Variants in NCAPG2 observed in about 807,000 individuals in gnomAD.
The protein encoded by NCAPG2 is condensin-2 complex subunit G2.
Under a neutral mutation model 141.1 loss-of-function variants are expected in NCAPG2, and 53 were observed. The ratio of observed to expected loss-of-function variants is 0.38; its 90% confidence interval spans 0.30 to 0.47. The LOEUF (loss-of-function observed/expected upper bound fraction) is 0.47, where lower values mean the gene tolerates loss of function less well. Among genes scored for constraint, NCAPG2 ranks in the 20% least tolerant of loss-of-function variants. NCAPG2 has a pLI of 0.99. For synonymous variants in NCAPG2, 499 were observed against 490.7 expected, an observed-to-expected ratio of 1.02 and a Z score of -0.22; for missense variants, 1,087 against 1,389.0, an observed-to-expected ratio of 0.78 and a Z score of 3.46.
At chr7:158,674,139 A>G (rs1833912140) in intron 12 of NCAPG2, among the ~76,000 whole-genome samples, 1 of 152,228 alleles carries the variant, frequency 6.6e-6, no homozygotes, top group South Asian at 2.1e-4. Context: ...ATCACTCAAC[A>G]AACACAGACA....
At chr7:158,703,691 G>A (rs950627317) in intron 1 of NCAPG2, 1 of 152,192 alleles carries the variant, frequency 6.6e-6, no homozygotes, top group Non-Finnish European at 1.5e-5. Flanking sequence ...TCTTCGCACA[G>A]GAGGTCTGGT....
rs141311246 is a variant in NCAPG2, at chr7:158,631,245, C to G, written c.*421G>C. On this transcript the variant is annotated 3_prime_UTR_variant, in exon 28 of 28. Transcript: ENST00000356309. The stretch of plus-strand genomic sequence containing the variant: ...GATCTATCTGCCTGCCTCAGCCTCC[C>G]AAAGTGCTGGGATTACAGGCGTGTG... The G allele has an allele frequency of 2.4e-3, 425 of 180,424 alleles. 12 individuals are homozygous for G. Among genetic ancestry groups the G allele is most frequent in the East Asian group, 0.012 (66 of 5,656 alleles). The allele number at this position is 180,424 out of a possible 1,614,324, so 11.2% of individuals were successfully genotyped here. A position where few individuals can be genotyped will look rare whatever the true frequency, so the allele number is the denominator to read the frequency against.
intron 17 of NCAPG2, among the ~76,000 whole-genome samples, chr7:158,657,007 T>G (rs1029042649): frequency 6.6e-6 from 1 of 152,234 alleles, no homozygotes; most frequent in African/African-American, 2.4e-5. Flanking sequence ...CAAGAGTTTC[T>G]ACTTTTGAAG....
At chr7:158,666,479 G>A (rs1319298122) in intron 13 of NCAPG2, among the ~76,000 whole-genome samples, 2 of 151,904 alleles carry the variant, frequency 1.3e-5, no homozygotes, top group Non-Finnish European at 2.9e-5. Flanking sequence ...CCCCAGCATA[G>A]ATATTAGTAT....
rs772649511 is a variant in NCAPG2 at position 158,644,368 on chromosome 7, CT to C, written c.3300del (p.Val1101Ter). On this transcript the variant is annotated frameshift_variant, in exon 27 of 28. Transcript: ENST00000356309. LOFTEE classifies it high-confidence loss of function. ...VINAGKHKSS[K>X]VREVAATVHR... ...TGAACAGTGGCTGCAACCTCCCTCA[CT>C]TTTGAGCTTTTATGTTTACCTGGGA... 75 of 1,613,694 alleles carry C rather than the reference CT, an allele frequency of 4.6e-5. No individual in the cohort carries two copies. Among genetic ancestry groups the C allele is most frequent in the Non-Finnish European group, 6.4e-5 (75 of 1,179,732 alleles).
chr7:158,694,594 A>G (rs1441375933), intron 2 of NCAPG2, among the ~76,000 whole-genome samples: 1 of 152,190 alleles, frequency 6.6e-6, no homozygotes, highest in Non-Finnish European at 1.5e-5. Flanking sequence ...AAATTTAATC[A>G]GATCCTCAAC....
Position 158,664,449 on chromosome 7 carries a change from C to A in NCAPG2, c.1702+79G>T, listed in dbSNP as rs1437718875. On this transcript the variant is annotated intron_variant, in intron 14 of 27. Transcript: ENST00000356309. Reference sequence around the variant, plus strand: ...TAAAGTATGAAGCTTATTAAATTGACAAATACTGAACTCTGTAATTTGTAT... The same window carrying A: ...TAAAGTATGAAGCTTATTAAATTGAAAAATACTGAACTCTGTAATTTGTAT... 6.5e-6 allele frequency: 10 copies of A among 1,540,560 alleles called. No homozygotes were observed. In the South Asian group the frequency reaches 1.2e-4, roughly 18 times the overall value.
chr7:158,664,705 T>C lies in NCAPG2; in HGVS notation c.1525A>G (p.Thr509Ala). 6.2e-7 allele frequency: 1 copy of C among 1,613,972 alleles called. No individual in the cohort carries two copies. The highest frequency in any genetic ancestry group is 8.5e-7 in the Non-Finnish European group (1 of 1,179,994). ...PMEHILVRLE[T>A]DSRPVSRRLV... ...CGCCGAGACACAGGTCGAGAATCAG[T>C]TTCCAGACGAACCAGAATGTGCTCC... The change falls in exon 14 of 28, where the codon ACT (threonine) becomes GCT (alanine). Residue 509 changes from threonine to alanine, a missense_variant. Transcript: ENST00000356309.
chr7:158,661,019 G>T (rs947911895), intron 16 of NCAPG2, among the ~76,000 whole-genome samples: 1 of 152,186 alleles, frequency 6.6e-6, no homozygotes, highest in Admixed American at 6.5e-5. Flanking sequence ...GGAACTGTGA[G>T]TCCATTAAAC....
intron 24 of NCAPG2, among the ~76,000 whole-genome samples, chr7:158,649,530 T>C (rs1831320967): frequency 1.3e-5 from 2 of 152,204 alleles, no homozygotes; most frequent in South Asian, 4.1e-4. Flanking sequence ...ACATTTTTTT[T>C]ATCATTTTTA....
intron 24 of NCAPG2, among the ~76,000 whole-genome samples, chr7:158,648,877 T>TACAACC (rs1563505075): frequency 2.7e-5 from 4 of 150,640 alleles, no homozygotes; most frequent in Middle Eastern, 3.6e-3. Context: ...GCAAATGGAC[T>TACAACC]ATAACCACGG....
intron 24 of NCAPG2, among the ~76,000 whole-genome samples, chr7:158,648,827 C>G (rs201346591): frequency 0.044 from 4,893 of 112,322 alleles, 510 homozygotes; most frequent in Middle Eastern, 0.073. Flanking sequence ...CACAACCACG[C>G]CAAATGGACT....
At position 158,696,877 on chromosome 7, in the gene NCAPG2, T is replaced by C. The variant is rs114321329; in HGVS notation, c.79-3380A>G. 4.6e-3 allele frequency among the ~76,000 whole-genome samples: 700 copies of C among 152,304 alleles called. 1 individual carries two copies. Among genetic ancestry groups the C allele is most frequent in the African/African-American group, 0.016 (667 of 41,568 alleles). ...TGATCAAATATAGTCAGGCAATGCATAGTGATATTTCAGTCAATGACAAAC... is the reference window on the plus strand; with the variant it reads ...TGATCAAATATAGTCAGGCAATGCACAGTGATATTTCAGTCAATGACAAAC... On this transcript the variant is annotated intron_variant, in intron 2 of 27. Transcript: ENST00000356309.
At chr7:158,695,131 G>A (rs572247436) in intron 2 of NCAPG2, among the ~76,000 whole-genome samples, 61 of 152,284 alleles carry the variant, frequency 4.0e-4, no homozygotes, top group Non-Finnish European at 5.3e-4. Flanking sequence ...TCATTCATCT[G>A]GGTGATGGAC....
intron 22 of NCAPG2, among the ~76,000 whole-genome samples, 178 bp downstream of exon 22, chr7:158,654,417 A>G (rs1213934052): frequency 1.3e-5 from 2 of 152,240 alleles, no homozygotes; most frequent in Non-Finnish European, 2.9e-5. Flanking sequence ...CATGTCTGAC[A>G]CAGAAACACC....
chr7:158,667,171 C>T (rs940229495), intron 13 of NCAPG2: 2 of 985,330 alleles, frequency 2.0e-6, no homozygotes, highest in Non-Finnish European at 2.4e-6. Context: ...GGCTGTCTGC[C>T]TTGCACTTGC....
rs531430512 is a variant in NCAPG2, at chr7:158,658,440, C to T, written c.1990-32G>A. ...GCGAAAAAAGAAAAACAAAACAAAG[C>T]ATATGTAAGCACTATAAATTCTGAA... On this transcript the variant is annotated intron_variant, in intron 16 of 27. Coordinates refer to ENST00000356309, the MANE Select transcript of NCAPG2 (RefSeq NM_017760.7). The T allele has an allele frequency of 4.9e-5, 76 of 1,550,038 alleles. 1 individual carries two copies. The South Asian group carries it at 8.6e-4, about 18-fold the overall frequency.
chr7:158,685,134 T>C (rs1387155620), intron 8 of NCAPG2, among the ~76,000 whole-genome samples: 1 of 152,186 alleles, frequency 6.6e-6, no homozygotes, highest in Non-Finnish European at 1.5e-5. Flanking sequence ...AAGAAAAATA[T>C]AAGGGAAAAC....
intron 6 of NCAPG2, among the ~76,000 whole-genome samples, chr7:158,688,787 C>G (rs546469714): frequency 1.3e-5 from 2 of 152,326 alleles, no homozygotes; most frequent in South Asian, 4.1e-4. Context: ...GGTCTCAGTC[C>G]TAATCACATG....
Sources: gnomAD v4.1 joint callset for allele counts (sites outside exome capture counted in the v4.1 genomes callset) on GRCh38, gnomAD v4.1.1 for gene constraint, MANE v1.5 for transcripts, NCBI Gene and HGNC (gene_info 2026-07-23, HGNC 2026-07-21) for gene names.